IL16: variants seen among roughly 807,000 people sequenced by gnomAD.
IL16 encodes the protein interleukin 16.
A neutral mutation model predicts 110.1 loss-of-function variants in IL16; 67 were observed. The ratio of observed to expected loss-of-function variants is 0.61; its 90% CI spans 0.50 to 0.75. IL16 has a LOEUF of 0.75. IL16 is among the 30% of genes least tolerant of loss of function. The pLI, the probability that IL16 is intolerant of heterozygous loss-of-function variation, is 0.00. For missense variants in IL16, 1,545 were observed against 1,655.0 expected (o/e 0.93, Z 1.15); for synonymous variants, 689 against 662.9 (o/e 1.04, Z -0.61).
chr15:81,204,591 T>G (rs1052273806), intron 1 of IL16, among the ~76,000 whole-genome samples: 3 of 152,182 alleles, frequency 2.0e-5, no homozygotes, highest in African/African-American at 7.2e-5. Flanking sequence ...CATGTGGTTT[T>G]TGTCTTTGGT....
intron 1 of IL16, among the ~76,000 whole-genome samples, chr15:81,212,406 A>G (rs570082988): frequency 1.8e-4 from 27 of 152,130 alleles, no homozygotes; most frequent in Non-Finnish European, 3.4e-4. Context: ...GTACTATGAT[A>G]TAAAATGTAA....
At chr15:81,269,685 G>C in intron 5 of IL16, 37 bp downstream of exon 5, 1 of 1,426,484 alleles carries the variant, frequency 7.0e-7, no homozygotes, top group Non-Finnish European at 9.9e-7. Context: ...AGTCCTGGGG[G>C]GCAGCACCAG....
rs1219664441 is a variant in IL16, at chr15:81,309,757, T to C, written c.*959T>C. On this transcript the variant is annotated 3_prime_UTR_variant, in exon 19 of 19. Transcript: ENST00000683961. ...GTGTATATGAGGGTATCAAATAAAA[T>C]TGCTACTACTTACCTACCACATGCC... is the stretch of plus-strand genomic sequence containing the variant. The C allele has an allele frequency of 6.6e-6, 1 of 152,144 alleles. No homozygotes were observed. Among genetic ancestry groups the C allele is most frequent in the Non-Finnish European group, 1.5e-5 (1 of 68,042 alleles). The allele number at this position is 152,144 out of a possible 1,614,324, so 9.4% of individuals were successfully genotyped here.
Position 81,303,630 on chromosome 15 carries a change from C to G in IL16, c.3400C>G (p.Leu1134Val). ...LGFSLAGGAD[L>V]ENKVITVHRV... ...GTTCAGCTTGGCAGGAGGAGCAGATCTAGAAAACAAGGTGATTACGGTGAG... is the reference window on the plus strand; with the variant it reads ...GTTCAGCTTGGCAGGAGGAGCAGATGTAGAAAACAAGGTGATTACGGTGAG... The change falls in exon 16 of 19, where the codon CTA becomes GTA. Residue 1134 changes from leucine (L) to valine (V), a missense_variant. By Grantham distance (32) the Leu-to-Val change is conservative. Around this residue, in one of 3 missense-constraint regions of IL16, gnomAD observed 356 missense variants for 399.3 expected, o/e 0.89. Transcript: ENST00000683961. This position sits in a 1 kb window ranked among gnomAD's most constrained non-coding sequence, Gnocchi z 4.1. 6.2e-7 allele frequency: 1 copy of G among 1,612,796 alleles called. No homozygotes were observed. Among genetic ancestry groups the G allele is most frequent in the Non-Finnish European group, 8.5e-7 (1 of 1,178,788 alleles).
At chr15:81,301,848 T>C (rs1900304667) in intron 15 of IL16, among the ~76,000 whole-genome samples, 1 of 152,234 alleles carries the variant, frequency 6.6e-6, no homozygotes, top group African/African-American at 2.4e-5. Flanking sequence ...CATGTGCTGC[T>C]GTCCTGGCAT....
intron 1 of IL16, among the ~76,000 whole-genome samples, chr15:81,197,749 C>T (rs1895652118): frequency 6.6e-6 from 1 of 151,546 alleles, no homozygotes; most frequent in South Asian, 2.1e-4. Flanking sequence ...CTTTTTTGGT[C>T]CATAGCAAGT....
At chr15:81,187,542 CTA>C (rs57877059) in intron 1 of IL16, among the ~76,000 whole-genome samples, 6,144 of 152,258 alleles carry the variant, frequency 0.04, 284 homozygotes, top group East Asian at 0.25. Flanking sequence ...TTGCAGTGAA[CTA>C]TGATTGTATC....
chr15:81,196,555 T>C (rs2141935445), upstream of IL16, among the ~76,000 whole-genome samples: 1 of 152,146 alleles, frequency 6.6e-6, no homozygotes, highest in South Asian at 2.1e-4. Context: ...TGTGATGAGG[T>C]TTATAGAAAG....
chr15:81,255,882 A>G (rs2142166368), intron 2 of IL16, among the ~76,000 whole-genome samples: 1 of 152,362 alleles, frequency 6.6e-6, no homozygotes, highest in South Asian at 2.1e-4. Context: ...AAAGAGGATT[A>G]AAAGAAAGAT....
chr15:81,182,712 A>C (rs1007225642), exon 1 of IL16: 7 of 363,626 alleles, frequency 1.9e-5, no homozygotes, highest in Non-Finnish European at 3.2e-5. Context: ...AGGAAAAAAC[A>C]GTTCTAACGA....
At chr15:81,200,528 C>T (rs180778831) in intron 1 of IL16, among the ~76,000 whole-genome samples, 263 of 143,756 alleles carry the variant, frequency 1.8e-3, no homozygotes, top group South Asian at 3.8e-3. Flanking sequence ...CGCCACCACA[C>T]CTGGATAATT....
rs1361722129 is a variant in IL16 at position 81,297,035 on chromosome 15, G to A, written c.2010G>A (p.Lys670=). The A allele has an allele frequency of 6.2e-7, 1 of 1,613,844 alleles. No homozygotes were observed. The highest frequency in any genetic ancestry group is 8.5e-7 in the Non-Finnish European group (1 of 1,179,974). Residue 670 remains lysine (K), a synonymous_variant, in exon 13 of 19, where the codon AAG becomes AAA. Coordinates refer to ENST00000683961, the MANE Select transcript of IL16 (RefSeq NM_172217.5). ...GACCTGGTATCGGCCCACAGACCAA[G>A]TCCTCCACAGAGGGCGAGCCAGGGT... ...CPGPGIGPQT[K]SSTEGEPGWR...
intron 2 of IL16, among the ~76,000 whole-genome samples, chr15:81,226,490 G>T (rs1033772201): frequency 1.3e-4 from 20 of 152,182 alleles, no homozygotes; most frequent in African/African-American, 4.6e-4. Context: ...GCAGTGATAA[G>T]CCAACATACA....
At chr15:81,194,299 G>A (rs1895545283), upstream of IL16, among the ~76,000 whole-genome samples, 2 of 152,248 alleles carry the variant, frequency 1.3e-5, no homozygotes, top group African/African-American at 2.4e-5. Flanking sequence ...GAACAGAATA[G>A]GAGATGACCC....
At position 81,282,772 on chromosome 15, in the gene IL16, T is replaced by C. The variant is rs776761301; in HGVS notation, c.1199+16T>C. On this transcript the variant is annotated intron_variant, in intron 9 of 18. Coordinates refer to ENST00000683961, the MANE Select transcript of IL16 (RefSeq NM_172217.5). Reference sequence around the variant, plus strand: ...GACGTCTCCGGTATGTCCTCACTTCTGTTTCTGAATATACCCCCGACTTAC... The same window carrying C: ...GACGTCTCCGGTATGTCCTCACTTCCGTTTCTGAATATACCCCCGACTTAC... 6.5e-7 allele frequency: 1 copy of C among 1,540,354 alleles called. No homozygotes were observed. Among genetic ancestry groups the C allele is most frequent in the South Asian group, 1.1e-5 (1 of 89,694 alleles).
Position 81,265,823 on chromosome 15 carries a change from C to T in IL16, c.564+22C>T, listed in dbSNP as rs73501717. On this transcript the variant is annotated intron_variant, in intron 4 of 18. Transcript: ENST00000683961. ...TGCGGTAAGAATGGAAGGAGGGAAA[C>T]TCAGAGAAGAGTTTCTCCCGGGGAG... 2,478 of 1,600,580 alleles carry T rather than the reference C, an allele frequency of 1.5e-3. 41 individuals carry two copies. The African/African-American group carries it at 0.03, about 20-fold the overall frequency.
intron 2 of IL16, among the ~76,000 whole-genome samples, chr15:81,258,755 C>T (rs1042258036): frequency 4.2e-5 from 6 of 142,144 alleles, no homozygotes; most frequent in Non-Finnish European, 9.2e-5. Context: ...CTCTGTCACT[C>T]GCTCTCTCTC....
rs569790623 is a variant in IL16 at position 81,263,891 on chromosome 15, G to A, written c.422-1768G>A. Among the ~76,000 whole-genome samples the A allele has an allele frequency of 2.2e-4, 33 of 152,198 alleles. 1 individual carries two copies. The highest frequency in any genetic ancestry group is 7.2e-4 in the Admixed American group (11 of 15,292). On this transcript the variant is annotated intron_variant, in intron 3 of 18. Coordinates refer to ENST00000683961, the MANE Select transcript of IL16 (RefSeq NM_172217.5). Reference sequence around the variant, plus strand: ...CCTCAGACTGTTTCTTCACTGATCCGGAACCCTCTGGGCTTCCATTTCCTC... The same window carrying A: ...CCTCAGACTGTTTCTTCACTGATCCAGAACCCTCTGGGCTTCCATTTCCTC...
chr15:81,191,027 C>A (rs977017516), intron 1 of IL16, among the ~76,000 whole-genome samples: 30 of 152,208 alleles, frequency 2.0e-4, no homozygotes, highest in African/African-American at 7.0e-4. Context: ...TAATCAGAAT[C>A]CAACATGGGG....
Sources: gnomAD v4.1 joint callset for allele counts (sites outside exome capture counted in the v4.1 genomes callset) on GRCh38, gnomAD v4.1.1 for gene constraint, gnomAD v4.1.1 regional missense constraint, Gnocchi (gnomAD v3.1) non-coding constraint, MANE v1.5 for transcripts, NCBI Gene and HGNC (gene_info 2026-07-23, HGNC 2026-07-21) for gene names.